The following ADAMTS17 variants were observed in gnomAD, a reference collection of about 807,000 sequenced individuals.
ADAMTS17 encodes the protein A disintegrin and metalloproteinase with thrombospondin motifs 17.
In ADAMTS17, 113 loss-of-function variants were observed where a neutral mutation model predicts 141.5. That is an observed-to-expected ratio of 0.80 (90% CI 0.69 to 0.93). ADAMTS17 has a LOEUF of 0.93. Among genes scored for constraint, ADAMTS17 ranks in the 40% least tolerant of loss-of-function variants. ADAMTS17 has a pLI of 0.00. For synonymous variants in ADAMTS17, 768 were observed against 630.6 expected (o/e 1.22, Z -3.27); for missense variants, 1,659 against 1,517.9 (o/e 1.09, Z -1.54).
At chr15:99,994,911 G>T (rs1315122909) in intron 19 of ADAMTS17, among the ~76,000 whole-genome samples, 1 of 152,206 alleles carries the variant, frequency 6.6e-6, no homozygotes, top group East Asian at 1.9e-4. Context: ...AGATCCCATG[G>T]GGTTTTCTTT....
chr15:100,143,754 G>T (rs150460993), intron 10 of ADAMTS17, among the ~76,000 whole-genome samples: 122 of 152,264 alleles, frequency 8.0e-4, no homozygotes, highest in African/African-American at 2.5e-3. Flanking sequence ...CAGTTCTCCG[G>T]TATGCAAATG....
At chr15:100,300,239 G>A (rs1043532139) in intron 3 of ADAMTS17, among the ~76,000 whole-genome samples, 1 of 152,082 alleles carries the variant, frequency 6.6e-6, no homozygotes, top group African/African-American at 2.4e-5. Flanking sequence ...AGATAGAAGA[G>A]GGAGAGACAC....
chr15:99,982,683 T>C (rs1017632668), intron 20 of ADAMTS17, among the ~76,000 whole-genome samples: 1 of 152,238 alleles, frequency 6.6e-6, no homozygotes, highest in African/African-American at 2.4e-5. Context: ...CTGGTCTTGT[T>C]TGGTCCTTTT....
intron 3 of ADAMTS17, among the ~76,000 whole-genome samples, chr15:100,321,184 A>C (rs747405001): frequency 6.6e-6 from 1 of 152,228 alleles, no homozygotes; most frequent in African/African-American, 2.4e-5. Flanking sequence ...TTAAGGCAAC[A>C]ACAACAAAAT....
rs1380885212 is a variant in ADAMTS17, at chr15:100,062,320, A to T, written c.2138-8266T>A. Among the ~76,000 whole-genome samples, 10 of 152,178 alleles carry T rather than the reference A, an allele frequency of 6.6e-5. No homozygotes were observed. The East Asian group carries it at 1.4e-3, about 21-fold the overall frequency. ...GATGGCAGGTGACCAAGCTAGGAGGAGGTGGCAGGGCAGCTTGGGACAGGG... is the reference window on the plus strand; with the variant it reads ...GATGGCAGGTGACCAAGCTAGGAGGTGGTGGCAGGGCAGCTTGGGACAGGG... On this transcript the variant is annotated intron_variant, in intron 15 of 21. Transcript: ENST00000268070.
chr15:100,303,344 ATATTT>A (rs1319245156), intron 3 of ADAMTS17, among the ~76,000 whole-genome samples: 2 of 151,502 alleles, frequency 1.3e-5, no homozygotes, highest in Non-Finnish European at 2.9e-5. Flanking sequence ...AATTCTTTAT[ATATTT>A]TAAATACAAG....
chr15:100,189,844 T>G (rs1482048877), intron 8 of ADAMTS17, among the ~76,000 whole-genome samples: 1 of 152,206 alleles, frequency 6.6e-6, no homozygotes, highest in Non-Finnish European at 1.5e-5. Flanking sequence ...GGCCAAGGTG[T>G]GGGCACAAGT....
intron 8 of ADAMTS17, among the ~76,000 whole-genome samples, chr15:100,199,052 C>T (rs538357773): frequency 3.5e-4 from 53 of 152,344 alleles, no homozygotes; most frequent in South Asian, 1.9e-3. Context: ...TAAGGACATC[C>T]TGAGAGGAAC....
chr15:100,256,342 G>C (rs1037102337), intron 6 of ADAMTS17: 1 of 152,176 alleles, frequency 6.6e-6, no homozygotes, highest in Non-Finnish European at 1.5e-5. Flanking sequence ...GCTGTCGCGG[G>C]GTCCATATTT....
At chr15:100,287,085 G>A (rs1028052775) in intron 3 of ADAMTS17, among the ~76,000 whole-genome samples, 1 of 152,152 alleles carries the variant, frequency 6.6e-6, no homozygotes, top group African/African-American at 2.4e-5. Flanking sequence ...CTACTCAGGA[G>A]GCTGAGGTGG....
At chr15:100,161,808 C>T (rs552022506) in intron 8 of ADAMTS17, among the ~76,000 whole-genome samples, 116 of 152,312 alleles carry the variant, frequency 7.6e-4, no homozygotes, top group African/African-American at 2.6e-3. Context: ...GGGTCAATTT[C>T]CATGATCATC....
At position 100,341,150 on chromosome 15, in the gene ADAMTS17, G is replaced by A. The variant is rs756363690; in HGVS notation, c.339C>T (p.Gly113=). 4.8e-6 allele frequency: 7 copies of A among 1,449,150 alleles called. No individual in the cohort carries two copies. The African/African-American group carries it at 1.1e-4, about 22-fold the overall frequency. 89.8% of individuals were successfully genotyped at this position (1,449,150 alleles called of 1,614,324 possible). A position where few individuals can be genotyped will look rare whatever the true frequency, so the allele number is the denominator to read the frequency against. The change falls in exon 2 of 22, where the codon GGC becomes GGT. Residue 113 remains glycine (G), a synonymous_variant. Transcript: ENST00000268070. ...LSRGFEVEEA[G]AARRRGRPAE... ...CGGGGCGGCCGCGGCGCCGGGCCGC[G>A]CCCGCCTCCTCCACCTCGAAGCCTC...
In ADAMTS17 at chr15:100,169,901, TCCGGGGCCACTC is replaced by T. The variant is rs143284929; in HGVS notation, c.1182-14593_1182-14582del. The stretch of plus-strand genomic sequence containing the variant: ...GCTTGAAGCAATGACACCTCTGTTC[TCCGGGGCCACTC>T]CCGGGGGCACTCAGTGTTCCAGGGC... On this transcript the variant is annotated intron_variant, in intron 8 of 21. Coordinates refer to ENST00000268070, the MANE Select transcript of ADAMTS17 (RefSeq NM_139057.4). Among the ~76,000 whole-genome samples, 1,333 of 152,216 alleles carry T rather than the reference TCCGGGGCCACTC, an allele frequency of 8.8e-3. 25 individuals are homozygous for T. The highest frequency in any genetic ancestry group is 0.03 in the African/African-American group (1,266 of 41,518).
intron 7 of ADAMTS17, among the ~76,000 whole-genome samples, chr15:100,218,951 C>T (rs940112664): frequency 3.3e-5 from 5 of 152,160 alleles, no homozygotes; most frequent in African/African-American, 9.7e-5. Context: ...ATATGTACCT[C>T]TAAACATGTA....
At chr15:100,271,403 GTTTTA>G (rs2043906046) in intron 4 of ADAMTS17, among the ~76,000 whole-genome samples, 1 of 151,982 alleles carries the variant, frequency 6.6e-6, no homozygotes, top group African/African-American at 2.4e-5. Context: ...TTGTTTTGGT[GTTTTA>G]TTTTTTTGTT....
chr15:100,100,620 G>T (rs1487209437), intron 14 of ADAMTS17, among the ~76,000 whole-genome samples: 2 of 136,434 alleles, frequency 1.5e-5, no homozygotes, highest in African/African-American at 5.8e-5. Flanking sequence ...GGTGAGCTTG[G>T]GTTTTTTGTG....
chr15:100,256,012 G>A (rs904014143), intron 6 of ADAMTS17, among the ~76,000 whole-genome samples: 55 of 152,208 alleles, frequency 3.6e-4, no homozygotes, highest in African/African-American at 1.2e-3. Context: ...TCTGAATCTC[G>A]ATCCTTCCTG....
chr15:100,185,234 G>T (rs1249288224), intron 8 of ADAMTS17, among the ~76,000 whole-genome samples: 1 of 152,162 alleles, frequency 6.6e-6, no homozygotes, highest in Admixed American at 6.5e-5. Context: ...AGAATGGAGA[G>T]AACGACAGGA....
At chr15:100,188,673 T>C (rs991355860) in intron 8 of ADAMTS17, among the ~76,000 whole-genome samples, 1 of 152,224 alleles carries the variant, frequency 6.6e-6, no homozygotes, top group African/African-American at 2.4e-5. Flanking sequence ...TGAGGTCTCT[T>C]TGACAGGTAG....
Sources: allele counts gnomAD v4.1 joint callset (sites outside exome capture counted in the v4.1 genomes callset), GRCh38; gene constraint gnomAD v4.1.1; transcripts MANE v1.5; gene names NCBI Gene and HGNC (gene_info 2026-07-23, HGNC 2026-07-21).